SLC67A2: variants seen among roughly 807,000 people sequenced by gnomAD.
The protein encoded by SLC67A2 is solute carrier family 67 member 2.
At chr2:102,715,490 A>G in the SLC67A2 span, among the ~76,000 whole-genome samples, 2 of 152,046 alleles carry the variant, frequency 1.3e-5, no homozygotes, top group Non-Finnish European at 2.9e-5. Context: ...CTGAGTTTGG[A>G]GCCTTGCAGG....
At chr2:102,718,582 C>T in the SLC67A2 span, 2 of 1,613,290 alleles carry the variant, frequency 1.2e-6, no homozygotes, top group Non-Finnish European at 1.7e-6. Flanking sequence ...TGATGCGGCC[C>T]ACTGCAGTCA....
At chr2:102,724,988 T>C in the SLC67A2 span, among the ~76,000 whole-genome samples, 8 of 152,196 alleles carry the variant, frequency 5.3e-5, no homozygotes, top group Non-Finnish European at 1.0e-4. Context: ...AATTCTATGA[T>C]TCTTTTTGAA....
the SLC67A2 span, chr2:102,726,812 G>A: frequency 2.0e-4 from 290 of 1,434,636 alleles, 4 homozygotes; most frequent in South Asian, 3.3e-3. Flanking sequence ...GGGAAGCTAC[G>A]TTTGAAAAAA....
At chr2:102,726,754 A>G in the SLC67A2 span, 6 of 1,501,782 alleles carry the variant, frequency 4.0e-6, no homozygotes, top group Non-Finnish European at 5.3e-6. Context: ...GCAAGACCAC[A>G]GAGGTGGCCC....
chr2:102,736,512 A>C, the SLC67A2 span: 1 of 1,577,502 alleles, frequency 6.3e-7, no homozygotes, highest in Non-Finnish European at 8.6e-7. Flanking sequence ...AGAGCTTGAT[A>C]GGTAGTGAGG....
chr2:102,726,905 A>G, the SLC67A2 span: 1 of 1,613,726 alleles, frequency 6.2e-7, no homozygotes, highest in Non-Finnish European at 8.5e-7. Context: ...AGAAGGAGAT[A>G]GCCCAGAGCA....
the SLC67A2 span, chr2:102,717,186 C>T: frequency 6.8e-6 from 1 of 146,944 alleles, no homozygotes; most frequent in South Asian, 2.1e-4. Context: ...CCCGCCATCA[C>T]GCCCGGCTAA....
chr2:102,719,130 C>T, the SLC67A2 span: 1 of 1,614,224 alleles, frequency 6.2e-7, no homozygotes, highest in Non-Finnish European at 8.5e-7. Flanking sequence ...CCCAACAGCA[C>T]ATGGGTCTTT....
At chr2:102,717,472 A>C in the SLC67A2 span, 1 of 152,376 alleles carries the variant, frequency 6.6e-6, no homozygotes, top group Non-Finnish European at 1.5e-5. Context: ...CAGCACCAGA[A>C]GGATGCAACC....
the SLC67A2 span, among the ~76,000 whole-genome samples, chr2:102,715,665 A>G: frequency 6.6e-6 from 1 of 152,078 alleles, no homozygotes; most frequent in East Asian, 1.9e-4. Flanking sequence ...ACTTCCTTCA[A>G]AGACATTTCA....
chr2:102,730,722 T>TC, the SLC67A2 span, among the ~76,000 whole-genome samples: 1 of 150,846 alleles, frequency 6.6e-6, no homozygotes, highest in Non-Finnish European at 1.5e-5. Context: ...TTTTTGTATC[T>TC]TTTTTTTTAG....
chr2:102,719,777 C>T, the SLC67A2 span, among the ~76,000 whole-genome samples: 1 of 152,200 alleles, frequency 6.6e-6, no homozygotes, highest in African/African-American at 2.4e-5. Flanking sequence ...GGGGCAAGTG[C>T]AGGCTGCCAC....
the SLC67A2 span, among the ~76,000 whole-genome samples, chr2:102,730,057 C>T: frequency 3.3e-5 from 5 of 152,146 alleles, no homozygotes; most frequent in East Asian, 1.9e-4. Context: ...TCTACTGAAC[C>T]GCCTGAACCA....
the SLC67A2 span, chr2:102,732,067 A>G: frequency 4.9e-6 from 3 of 609,026 alleles, no homozygotes; most frequent in South Asian, 4.6e-5. Flanking sequence ...CTCCATAAGT[A>G]CCTGTTGCCA....
chr2:102,726,778 C>G, the SLC67A2 span: 1 of 1,491,018 alleles, frequency 6.7e-7, no homozygotes, highest in Non-Finnish European at 8.9e-7. Flanking sequence ...AGGAAGCGTG[C>G]AGTTTCACAT....
the SLC67A2 span, among the ~76,000 whole-genome samples, chr2:102,721,953 G>A: frequency 1.3e-4 from 20 of 152,234 alleles, no homozygotes; most frequent in South Asian, 2.7e-3. Context: ...CAATCCTCGC[G>A]CTTCAGCCTC....
the SLC67A2 span, chr2:102,727,074 T>C: frequency 7.4e-7 from 1 of 1,349,606 alleles, no homozygotes; most frequent in Non-Finnish European, 1.0e-6. Flanking sequence ...CAATGGAAGA[T>C]TCAGTGTCAG....
chr2:102,736,600 C>G, the SLC67A2 span: 1 of 1,613,560 alleles, frequency 6.2e-7, no homozygotes, highest in Non-Finnish European at 8.5e-7. Context: ...GTCCCCAGGC[C>G]CGAACACAGT....
chr2:102,720,996 C>T, the SLC67A2 span, among the ~76,000 whole-genome samples: 1 of 152,294 alleles, frequency 6.6e-6, no homozygotes, highest in East Asian at 1.9e-4. Context: ...CTCTCCTCCT[C>T]TGCTATTCTA....
Sources: allele counts gnomAD v4.1 joint callset (sites outside exome capture counted in the v4.1 genomes callset), GRCh38; gene constraint gnomAD v4.1.1; transcripts MANE v1.5; gene names NCBI Gene and HGNC (gene_info 2026-07-23, HGNC 2026-07-21).